Variants in LAMA4 observed in about 807,000 individuals in gnomAD.
LAMA4 encodes laminin subunit alpha 4, also known as laminin subunit alpha-4.
Under a neutral mutation model 207.1 loss-of-function variants are expected in LAMA4, and 127 were observed. The observed-to-expected ratio is 0.61, with a 90% confidence interval of 0.53 to 0.71. The LOEUF is 0.71. LAMA4 is among the 30% of genes least tolerant of loss of function. The pLI, the probability that LAMA4 is intolerant of heterozygous loss-of-function variation, is 0.00. For missense variants in LAMA4, 2,093 were observed against 2,246.5 expected (o/e 0.93, Z 1.38); for synonymous variants, 761 against 816.0 (o/e 0.93, Z 1.15).
In LAMA4 at chr6:112,154,863, T is replaced by C; in HGVS notation, c.2044A>G (p.Lys682Glu). Reference sequence around the variant, plus strand: ...TGAAGATATTTACTAGACTCTGCCTTTGCTTGCAGTTCTCTGGCTTGATTG... The same window carrying C: ...TGAAGATATTTACTAGACTCTGCCTCTGCTTGCAGTTCTCTGGCTTGATTG... ...LLNQARELQAKAESSSDEAVA... is the reference protein window; with the variant it reads ...LLNQARELQAEAESSSDEAVA... The change falls in exon 16 of 39, where the codon AAG (lysine) becomes GAG (glutamate). Residue 682 changes from lysine to glutamate, a missense_variant. Physicochemically the swap from Lys to Glu is moderately conservative, Grantham distance 56. Coordinates refer to ENST00000230538, the MANE Select transcript of LAMA4 (RefSeq NM_001105206.3). 1 of 1,606,618 alleles carries C rather than the reference T, an allele frequency of 6.2e-7. No individual in the cohort carries two copies. The highest frequency in any genetic ancestry group is 2.2e-5 in the East Asian group (1 of 44,828).
intron 16 of LAMA4, among the ~76,000 whole-genome samples, chr6:112,154,600 G>A (rs1305066710): frequency 6.6e-6 from 1 of 151,996 alleles, no homozygotes; most frequent in African/African-American, 2.4e-5. Context: ...TTGATTAGCA[G>A]GAATAGCCAC....
chr6:112,244,811 T>C (rs1786792948), intron 2 of LAMA4, among the ~76,000 whole-genome samples: 1 of 152,182 alleles, frequency 6.6e-6, no homozygotes, highest in Non-Finnish European at 1.5e-5. Flanking sequence ...GTATGATAGA[T>C]TTATGTAACC....
At chr6:112,113,119 T>G (rs1275483862) in intron 38 of LAMA4, among the ~76,000 whole-genome samples, 1 of 152,094 alleles carries the variant, frequency 6.6e-6, no homozygotes, top group Non-Finnish European at 1.5e-5. Context: ...AATAGGGAAA[T>G]TATAGTTAAG....
intron 13 of LAMA4, among the ~76,000 whole-genome samples, chr6:112,163,515 C>T (rs1420491263): frequency 6.6e-6 from 1 of 152,072 alleles, no homozygotes; most frequent in Non-Finnish European, 1.5e-5. Context: ...ACAAGGGCGC[C>T]ACCTGGTGTT....
intron 2 of LAMA4, among the ~76,000 whole-genome samples, chr6:112,220,979 C>A (rs995689212): frequency 2.6e-5 from 4 of 152,134 alleles, no homozygotes; most frequent in African/African-American, 9.6e-5. Context: ...GATACAGAAT[C>A]TCAGAGAACT....
intron 16 of LAMA4, among the ~76,000 whole-genome samples, chr6:112,151,185 A>G (rs1780381996): frequency 6.6e-6 from 1 of 152,190 alleles, no homozygotes; most frequent in Non-Finnish European, 1.5e-5. Flanking sequence ...GTGATAACCC[A>G]AAGATAATCA....
At chr6:112,243,081 T>G (rs1448717961) in intron 2 of LAMA4, among the ~76,000 whole-genome samples, 3 of 152,246 alleles carry the variant, frequency 2.0e-5, no homozygotes, top group African/African-American at 7.2e-5. Context: ...AGGGTCCAGA[T>G]AGAGTAGGGG....
chr6:112,216,311 A>T, intron 3 of LAMA4, 57 bp downstream of exon 3: 1 of 1,138,758 alleles, frequency 8.8e-7, no homozygotes, highest in Non-Finnish European at 1.3e-6. Context: ...TTTTATCTTC[A>T]CCCAAGATGC....
At chr6:112,208,488 G>T (rs1435658001) in intron 3 of LAMA4, among the ~76,000 whole-genome samples, 1 of 152,160 alleles carries the variant, frequency 6.6e-6, no homozygotes, top group East Asian at 1.9e-4. Context: ...TGAAGAGATG[G>T]AGGTGCAGAA....
chr6:112,243,267 G>C (rs1235397808), intron 2 of LAMA4, among the ~76,000 whole-genome samples: 1 of 151,976 alleles, frequency 6.6e-6, no homozygotes, highest in African/African-American at 2.4e-5. Flanking sequence ...GGAGTTGTTA[G>C]GAACCACCCC....
In LAMA4 at chr6:112,130,001, C is replaced by G. The variant is rs373047072; in HGVS notation, c.4008G>C (p.Lys1336Asn). ...GTTCTATTTTCCCTTTGGTAGGATT[C>G]TTACTCCCAACTCTGCTTTTATCTA... ...LIVDKSRVGS[K>N]NPTKGKIEQT... is the part of the protein sequence containing the mutation. Residue 1336 changes from lysine to asparagine, a missense_variant, in exon 30 of 39, where the codon AAG (lysine) becomes AAC (asparagine). By Grantham distance (94) the Lys-to-Asn change is moderately conservative. This residue lies in a region of LAMA4 where 1,704 missense variants were observed against 1,788.4 expected (regional missense o/e 0.95). Coordinates refer to ENST00000230538, the MANE Select transcript of LAMA4 (RefSeq NM_001105206.3). 1.2e-6 allele frequency: 2 copies of G among 1,613,180 alleles called. No homozygotes were observed. The highest frequency in any genetic ancestry group is 1.7e-6 in the Non-Finnish European group (2 of 1,179,552).
At chr6:112,157,638 A>G (rs1240491604) in intron 14 of LAMA4, among the ~76,000 whole-genome samples, 1 of 152,214 alleles carries the variant, frequency 6.6e-6, no homozygotes, top group East Asian at 1.9e-4. Flanking sequence ...GCAGAGTGGC[A>G]TTATACACAG....
chr6:112,156,521 AC>A (rs1465396912), intron 14 of LAMA4, among the ~76,000 whole-genome samples: 9 of 152,150 alleles, frequency 5.9e-5, no homozygotes, highest in African/African-American at 2.2e-4. Flanking sequence ...AAATACTTCT[AC>A]TGCCTCTGTA....
intron 36 of LAMA4, among the ~76,000 whole-genome samples, chr6:112,115,101 A>G (rs587718795): frequency 6.6e-6 from 1 of 152,322 alleles, no homozygotes; most frequent in East Asian, 1.9e-4. Context: ...CCAGTCTCCT[A>G]TTTAACTTAC....
chr6:112,230,912 G>C (rs1204088207), intron 2 of LAMA4, among the ~76,000 whole-genome samples: 2 of 152,228 alleles, frequency 1.3e-5, no homozygotes, highest in Non-Finnish European at 2.9e-5. Context: ...CTGAGGCCTA[G>C]CGAAGAAGCA....
At position 112,144,870 on chromosome 6, in the gene LAMA4, C is replaced by G. The variant is rs1554334150; in HGVS notation, c.2417G>C (p.Arg806Pro). Residue 806 changes from arginine to proline, a missense_variant, in exon 19 of 39, where the codon CGA (arginine) becomes CCA (proline). Arg to Pro is a moderately radical substitution (Grantham distance 103, BLOSUM62 -2). This residue lies in a region of LAMA4 where 1,704 missense variants were observed against 1,788.4 expected (regional missense o/e 0.95). Transcript: ENST00000230538. ...LDQLRTVEQKRPASNVSASIQ... is the reference protein window; with the variant it reads ...LDQLRTVEQKPPASNVSASIQ... Reference sequence around the variant, plus strand: ...GCTGGCAGAAACGTTGCTTGCAGGTCGCTTCTGCTCAACCGTACGAAGCTG... The same window carrying G: ...GCTGGCAGAAACGTTGCTTGCAGGTGGCTTCTGCTCAACCGTACGAAGCTG... 1 of 1,614,000 alleles carries G rather than the reference C, an allele frequency of 6.2e-7. No homozygotes were observed. Among genetic ancestry groups the G allele is most frequent in the Admixed American group, 1.7e-5 (1 of 60,030 alleles).
At chr6:112,175,544 G>A in intron 10 of LAMA4, 64 bp from the exon 11 acceptor site, 2 of 1,541,584 alleles carry the variant, frequency 1.3e-6, no homozygotes, top group South Asian at 1.1e-5. Flanking sequence ...AGAAATGCAA[G>A]GGAGCAAGGG....
At chr6:112,128,549 T>A (rs2114632707) in intron 31 of LAMA4, among the ~76,000 whole-genome samples, 1 of 152,280 alleles carries the variant, frequency 6.6e-6, no homozygotes, top group Non-Finnish European at 1.5e-5. Flanking sequence ...AATAACTTAT[T>A]GTATATTTCC....
intron 2 of LAMA4, among the ~76,000 whole-genome samples, chr6:112,224,400 A>G (rs1583939916): frequency 6.6e-6 from 1 of 152,084 alleles, no homozygotes; most frequent in African/African-American, 2.4e-5. Flanking sequence ...ATCTTGAGTG[A>G]GAACTTAATC....
Sources: allele counts gnomAD v4.1 joint callset (sites outside exome capture counted in the v4.1 genomes callset), GRCh38; gene constraint gnomAD v4.1.1; regional missense constraint gnomAD v4.1.1; transcripts MANE v1.5; gene names NCBI Gene and HGNC (gene_info 2026-07-23, HGNC 2026-07-21).